ACAN: variants seen among roughly 807,000 people sequenced by gnomAD.
ACAN encodes the protein aggrecan core protein.
In ACAN, 47 loss-of-function variants were observed where a neutral mutation model predicts 169.1. The ratio of observed to expected loss-of-function variants is 0.28; its 90% confidence interval spans 0.22 to 0.35. The LOEUF (loss-of-function observed/expected upper bound fraction) is 0.35. Among genes scored for constraint, ACAN ranks in the 10% least tolerant of loss-of-function variants. The pLI, the probability that ACAN is intolerant of heterozygous loss-of-function variation, is 1.00. For synonymous variants in ACAN, 1,115 were observed against 1,112.2 expected (o/e 1.00, Z -0.05); for missense variants, 2,716 against 2,759.9 (o/e 0.98, Z 0.36).
intron 1 of ACAN, among the ~76,000 whole-genome samples, chr15:88,817,249 C>T (rs1042121820): frequency 3.3e-5 from 5 of 152,102 alleles, no homozygotes; most frequent in Admixed American, 3.3e-4. Flanking sequence ...TCAAGCAATT[C>T]TTCTGCCTCG....
In ACAN at chr15:88,847,262, C is replaced by T. The variant is rs1207176028; in HGVS notation, c.1449C>T (p.Arg483=). The T allele has an allele frequency of 1.9e-6, 3 of 1,559,050 alleles. No individual in the cohort carries two copies. Among genetic ancestry groups the T allele is most frequent in the Admixed American group, 1.9e-5 (1 of 52,108 alleles). Residue 483 remains arginine, a synonymous_variant, in exon 8 of 19, where the codon CGC becomes CGT. Coordinates refer to ENST00000560601, the MANE Select transcript of ACAN (RefSeq NM_001369268.1). Reference sequence around the variant, plus strand: ...ACCCAGGGGTCGTCTTCCACTACCGCCCGGGACCCACCCGCTACTCGCTGA... The same window carrying T: ...ACCCAGGGGTCGTCTTCCACTACCGTCCGGGACCCACCCGCTACTCGCTGA... ...HLPGGVVFHY[R]PGPTRYSLTF...
In ACAN at chr15:88,871,556, C is replaced by T; in HGVS notation, c.7219+16C>T. ...TTTGTCAACAGTGAGTGCGGCGGGG[C>T]CTCTGGAGCCTGAGAGGAGAGTGGC... is the stretch of plus-strand genomic sequence containing the variant. On this transcript the variant is annotated intron_variant, in intron 15 of 18. Transcript: ENST00000560601. The surrounding 1 kb of genome is among the most constrained non-coding windows in gnomAD (Gnocchi z 7.8). The T allele has an allele frequency of 6.2e-7, 1 of 1,602,454 alleles. No individual in the cohort carries two copies. Among genetic ancestry groups the T allele is most frequent in the African/African-American group, 1.3e-5 (1 of 74,878 alleles).
Position 88,872,957 on chromosome 15 carries a change from A to ACGAGAAGGG in ACAN, c.7384_7392dup (p.Lys2462_Glu2464dup). On this transcript the variant is annotated inframe_insertion, in exon 17 of 19. Coordinates refer to ENST00000560601, the MANE Select transcript of ACAN (RefSeq NM_001369268.1). This position sits in a 1 kb window ranked among gnomAD's most constrained non-coding sequence, Gnocchi z 5.4. ...GAGGACTGTGTGGTGATGATCTGGC[A>ACGAGAAGGG]CGAGAAGGGCGAGTGGAATGATGTT... 1.2e-6 allele frequency: 2 copies of ACGAGAAGGG among 1,613,908 alleles called. No homozygotes were observed. The highest frequency in any genetic ancestry group is 1.7e-5 in the Admixed American group (1 of 60,012).
At chr15:88,831,655 C>G (rs1344812321) in intron 1 of ACAN, among the ~76,000 whole-genome samples, 1 of 152,244 alleles carries the variant, frequency 6.6e-6, no homozygotes, top group African/African-American at 2.4e-5. Flanking sequence ...GCCAGGCCCC[C>G]TGGCACTGAG....
At chr15:88,829,274 T>A (rs538139277) in intron 1 of ACAN, among the ~76,000 whole-genome samples, 1 of 152,294 alleles carries the variant, frequency 6.6e-6, no homozygotes, top group Admixed American at 6.5e-5. Context: ...CTTCACAATT[T>A]CCCTGGGGGT....
Position 88,838,681 on chromosome 15 carries a change from G to A in ACAN, c.89G>A (p.Ser30Asn), listed in dbSNP as rs1324649266. Residue 30 changes from serine to asparagine, a missense_variant, in exon 3 of 19, where the codon AGT becomes AAT. Around this residue, in one of 3 missense-constraint regions of ACAN, gnomAD observed 1,283 missense variants for 1,281.5 expected, o/e 1.00. Transcript: ENST00000560601. The surrounding 1 kb of genome is among the most constrained non-coding windows in gnomAD (Gnocchi z 5.1). The stretch of plus-strand genomic sequence containing the variant: ...CACACAGACCATGACAACTCGCTGA[G>A]TGTCAGCATCCCCCAACCGTCCCCG... ...VETSDHDNSL[S>N]VSIPQPSPLR... is the part of the protein sequence containing the mutation. 1 of 1,589,518 alleles carries A rather than the reference G, an allele frequency of 6.3e-7. No individual in the cohort carries two copies. The highest frequency in any genetic ancestry group is 8.6e-7 in the Non-Finnish European group (1 of 1,166,502).
rs1392268343 is a variant in ACAN at position 88,855,033 on chromosome 15, G to A, written c.2448G>A (p.Glu816=). 2.5e-6 allele frequency: 4 copies of A among 1,592,880 alleles called. No individual in the cohort carries two copies. The change falls in exon 12 of 19, where the codon GAG becomes GAA. Residue 816 remains glutamate (E), a synonymous_variant. Transcript: ENST00000560601. The part of the protein sequence containing the change: ...FPSVRPFPSV[E]LFPSEEPFPS... Reference sequence around the variant, plus strand: ...CAGTGAGGCCATTCCCCTCAGTGGAGCTGTTCCCCTCAGAGGAGCCATTCC... The same window carrying A: ...CAGTGAGGCCATTCCCCTCAGTGGAACTGTTCCCCTCAGAGGAGCCATTCC...
At position 88,874,254 on chromosome 15, in the gene ACAN, C is replaced by A; in HGVS notation, c.7631-151C>A. On this transcript the variant is annotated intron_variant, in intron 18 of 18. Coordinates refer to ENST00000560601, the MANE Select transcript of ACAN (RefSeq NM_001369268.1). This position sits in a 1 kb window ranked among gnomAD's most constrained non-coding sequence, Gnocchi z 7.3. The stretch of plus-strand genomic sequence containing the variant: ...ATGAAGGAGAAAAAGCCAGAAAGTC[C>A]AAGAAAAATCCAAATCAGGAAAGCC... The A allele has an allele frequency of 9.5e-7, 1 of 1,050,570 alleles. No individual in the cohort carries two copies. The highest frequency in any genetic ancestry group is 1.4e-6 in the Non-Finnish European group (1 of 701,628). 65.1% of individuals were successfully genotyped at this position (1,050,570 alleles called of 1,614,324 possible). A position where few individuals can be genotyped will look rare whatever the true frequency, so the allele number is the denominator to read the frequency against.
At position 88,851,578 on chromosome 15, in the gene ACAN, C is replaced by A; in HGVS notation, c.2027-216C>A. The A allele has an allele frequency of 1.9e-6, 1 of 538,628 alleles. No homozygotes were observed. Among genetic ancestry groups the A allele is most frequent in the Non-Finnish European group, 3.2e-6 (1 of 308,212 alleles). 33.4% of individuals were successfully genotyped at this position (538,628 alleles called of 1,614,324 possible). Reference sequence around the variant, plus strand: ...ATGGTCAATTCTGCAGGGGAGATGCCCCAGATCACTGGAACTAAAGTGCTG... The same window carrying A: ...ATGGTCAATTCTGCAGGGGAGATGCACCAGATCACTGGAACTAAAGTGCTG... On this transcript the variant is annotated intron_variant, in intron 10 of 18. Transcript: ENST00000560601. The surrounding 1 kb of genome is among the most constrained non-coding windows in gnomAD (Gnocchi z 4.3).
At position 88,870,878 on chromosome 15, in the gene ACAN, T is replaced by C. The variant is rs1300988996; in HGVS notation, c.7061-504T>C. On this transcript the variant is annotated intron_variant, in intron 14 of 18. Coordinates refer to ENST00000560601, the MANE Select transcript of ACAN (RefSeq NM_001369268.1). The surrounding 1 kb of genome is among the most constrained non-coding windows in gnomAD (Gnocchi z 6.3). ...CCCCAAGCAGACTTATTTCTGCTCC[T>C]CTGTTCCCACCTGAGGTTCTGCAGG... is the stretch of plus-strand genomic sequence containing the variant. Among the ~76,000 whole-genome samples, 2 of 152,162 alleles carry C rather than the reference T, an allele frequency of 1.3e-5. No individual in the cohort carries two copies. Among genetic ancestry groups the C allele is most frequent in the Non-Finnish European group, 2.9e-5 (2 of 68,032 alleles).
Position 88,868,156 on chromosome 15 carries a change from G to A in ACAN, c.6947-60G>A. ...ACTGGCCACTCAAAAGGAGGCCACA[G>A]TGCTTGTGAGGCTGGAGTTGCCGGC... On this transcript the variant is annotated intron_variant, in intron 13 of 18. Coordinates refer to ENST00000560601, the MANE Select transcript of ACAN (RefSeq NM_001369268.1). This position sits in a 1 kb window ranked among gnomAD's most constrained non-coding sequence, Gnocchi z 5.2. 2 of 683,478 alleles carry A rather than the reference G, an allele frequency of 2.9e-6. No homozygotes were observed. Among genetic ancestry groups the A allele is most frequent in the Non-Finnish European group, 5.3e-6 (2 of 374,874 alleles). 42.3% of individuals were successfully genotyped at this position (683,478 alleles called of 1,614,324 possible).
intron 1 of ACAN, among the ~76,000 whole-genome samples, chr15:88,810,697 C>G (rs967862787): frequency 6.6e-6 from 1 of 152,160 alleles, no homozygotes; most frequent in Non-Finnish European, 1.5e-5. Context: ...TTAGAGTTAG[C>G]CTTCAGTCCC....
In ACAN at chr15:88,874,902, A is replaced by G; in HGVS notation, c.*421A>G. ...CAGGGAGAGCTAGGGAGGAGGGAGG[A>G]GGGCTCCAAAGGAGCTGGAAGGAGC... On this transcript the variant is annotated 3_prime_UTR_variant, in exon 19 of 19. Coordinates refer to ENST00000560601, the MANE Select transcript of ACAN (RefSeq NM_001369268.1). The surrounding 1 kb of genome is among the most constrained non-coding windows in gnomAD (Gnocchi z 7.3). 2.9e-6 allele frequency: 1 copy of G among 344,956 alleles called. No homozygotes were observed. The highest frequency in any genetic ancestry group is 5.6e-6 in the Non-Finnish European group (1 of 177,140). 21.4% of individuals were successfully genotyped at this position (344,956 alleles called of 1,614,324 possible).
At chr15:88,865,456 A>C (rs1897264333) in intron 13 of ACAN, among the ~76,000 whole-genome samples, 1 of 151,806 alleles carries the variant, frequency 6.6e-6, no homozygotes, top group South Asian at 2.1e-4. Flanking sequence ...TTTTGTTTTT[A>C]CATCTCAAAC....
chr15:88,829,778 C>T (rs1021954278), intron 1 of ACAN, among the ~76,000 whole-genome samples: 10 of 152,172 alleles, frequency 6.6e-5, no homozygotes, highest in African/African-American at 1.9e-4. Context: ...CAAACCCCAA[C>T]GTCTACTTAC....
Position 88,843,680 on chromosome 15 carries a change from C to A in ACAN, c.1051+32C>A. The stretch of plus-strand genomic sequence containing the variant: ...CACGGCTGGTGGTGGGAAGGGAGTT[C>A]ATGCCACTAAAATGGGGTCCTAGAG... On this transcript the variant is annotated intron_variant, in intron 6 of 18. Transcript: ENST00000560601. This position sits in a 1 kb window ranked among gnomAD's most constrained non-coding sequence, Gnocchi z 4.0. 6.5e-7 allele frequency: 1 copy of A among 1,537,432 alleles called. No individual in the cohort carries two copies. The highest frequency in any genetic ancestry group is 1.3e-5 in the South Asian group (1 of 79,320).
At position 88,849,854 on chromosome 15, in the gene ACAN, G is replaced by T. The variant is rs1401331442; in HGVS notation, c.2026+123G>T. The T allele has an allele frequency of 2.2e-6, 3 of 1,376,248 alleles. No homozygotes were observed. Among genetic ancestry groups the T allele is most frequent in the African/African-American group, 2.9e-5 (2 of 69,388 alleles). The allele number at this position is 1,376,248 out of a possible 1,614,324, so 85.3% of individuals were successfully genotyped here. On this transcript the variant is annotated intron_variant, in intron 10 of 18. Transcript: ENST00000560601. The surrounding 1 kb of genome is among the most constrained non-coding windows in gnomAD (Gnocchi z 5.1). ...GAGCAAGAAAATGTCAGTCCCTCTG[G>T]GGCAGAGCCAGCTCTGAAACCAGCA... is the stretch of plus-strand genomic sequence containing the variant.
intron 4 of ACAN, 134 bp from the exon 5 acceptor site, chr15:88,841,606 C>T: frequency 8.7e-7 from 1 of 1,153,000 alleles, no homozygotes; most frequent in Non-Finnish European, 1.3e-6. Context: ...AGGCAGTTGA[C>T]ATATTCAGAA....
At position 88,849,687 on chromosome 15, in the gene ACAN, G is replaced by T; in HGVS notation, c.1982G>T (p.Gly661Val). The T allele has an allele frequency of 6.2e-7, 1 of 1,613,820 alleles. No homozygotes were observed. The highest frequency in any genetic ancestry group is 8.5e-7 in the Non-Finnish European group (1 of 1,179,846). Residue 661 changes from glycine to valine, a missense_variant, in exon 10 of 19, where the codon GGC becomes GTC. Physicochemically the swap from Gly to Val is moderately radical, Grantham distance 109. Transcript: ENST00000560601. The surrounding 1 kb of genome is among the most constrained non-coding windows in gnomAD (Gnocchi z 5.1). ...RTVYLYPNQT[G>V]LPDPLSRHHA... ...GTCTACCTCTACCCTAACCAGACGG[G>T]CCTCCCAGACCCACTGTCCCGGCAC...
Sources: allele counts gnomAD v4.1 joint callset (sites outside exome capture counted in the v4.1 genomes callset), GRCh38; gene constraint gnomAD v4.1.1; regional missense constraint gnomAD v4.1.1; non-coding constraint Gnocchi (gnomAD v3.1); transcripts MANE v1.5; gene names NCBI Gene and HGNC (gene_info 2026-07-23, HGNC 2026-07-21).